The following RNF11 variants were observed in gnomAD, a reference collection of about 807,000 sequenced individuals.
The protein encoded by RNF11 is ring finger protein 11.
RNF11 carries 4 observed loss-of-function variants against 15.8 expected under a neutral mutation model. That is an observed-to-expected ratio of 0.25 (90% confidence interval 0.12 to 0.58). RNF11 has a LOEUF of 0.58. Ranked by LOEUF, RNF11 falls within the 20% of genes least tolerant of loss-of-function variation. RNF11 has a pLI of 0.91. For missense variants in RNF11, 139 were observed against 194.4 expected, an observed-to-expected ratio of 0.71 and a Z score of 1.70; for synonymous variants, 68 against 72.3, an observed-to-expected ratio of 0.94 and a Z score of 0.30.
chr1:51,244,787 C>T (rs1646844736), intron 1 of RNF11, among the ~76,000 whole-genome samples: 2 of 152,126 alleles, frequency 1.3e-5, no homozygotes, highest in Admixed American at 1.3e-4. Flanking sequence ...TTCTTTGTTT[C>T]TGCCTGACCT....
chr1:51,244,524 C>T (rs1300609896), intron 1 of RNF11, among the ~76,000 whole-genome samples: 3 of 152,102 alleles, frequency 2.0e-5, no homozygotes, highest in African/African-American at 7.2e-5. Flanking sequence ...GTAGCTGGGA[C>T]TACAGGTGCC....
At chr1:51,252,095 A>G (rs1169160133) in intron 1 of RNF11, among the ~76,000 whole-genome samples, 1 of 151,520 alleles carries the variant, frequency 6.6e-6, no homozygotes, top group African/African-American at 2.4e-5. Context: ...AAAAAAAAAA[A>G]AAAAAAAGAA....
At chr1:51,250,697 A>C in intron 1 of RNF11, 1 of 1,124,768 alleles carries the variant, frequency 8.9e-7, no homozygotes, top group Non-Finnish European at 1.3e-6. Flanking sequence ...GAGACTTGGT[A>C]AATACAGTCT....
intron 1 of RNF11, among the ~76,000 whole-genome samples, chr1:51,258,303 G>A (rs921324645): frequency 2.0e-5 from 3 of 152,210 alleles, no homozygotes; most frequent in African/African-American, 7.2e-5. Context: ...GACTGCTGGA[G>A]ATCCTCTTCA....
chr1:51,242,018 C>G (rs1646831395), intron 1 of RNF11, among the ~76,000 whole-genome samples: 1 of 152,220 alleles, frequency 6.6e-6, no homozygotes, highest in African/African-American at 2.4e-5. Flanking sequence ...ATAGGTGTCT[C>G]TCAATTTTGC....
intron 1 of RNF11, among the ~76,000 whole-genome samples, chr1:51,246,610 G>A (rs544988489): frequency 1.6e-4 from 24 of 152,080 alleles, no homozygotes; most frequent in African/African-American, 5.8e-4. Flanking sequence ...TAATCTCAGC[G>A]CTTTGGTAGG....
At chr1:51,257,326 G>A (rs1646908215) in intron 1 of RNF11, among the ~76,000 whole-genome samples, 1 of 152,158 alleles carries the variant, frequency 6.6e-6, no homozygotes. Context: ...TTTCCTCTCC[G>A]CCTCCTGGAA....
chr1:51,247,683 CCT>C (rs1646858639), intron 1 of RNF11, among the ~76,000 whole-genome samples: 1 of 151,610 alleles, frequency 6.6e-6, no homozygotes, highest in Non-Finnish European at 1.5e-5. Context: ...TTCAAATTGG[CCT>C]TTTGAACTCT....
At chr1:51,255,115 A>G (rs1216055785) in intron 1 of RNF11, among the ~76,000 whole-genome samples, 3 of 152,290 alleles carry the variant, frequency 2.0e-5, no homozygotes, top group South Asian at 2.1e-4. Context: ...ATCTGTAAAG[A>G]GGAACTATAT....
intron 1 of RNF11, among the ~76,000 whole-genome samples, chr1:51,258,141 A>G (rs1646914032): frequency 6.6e-6 from 1 of 152,136 alleles, no homozygotes; most frequent in Non-Finnish European, 1.5e-5. Context: ...GGTGTGAGCC[A>G]CTGCACCCAG....
rs764022609 is a variant in RNF11, at chr1:51,236,713, C to G, written c.-44C>G. ...CCGCGGAGTGTGCGAACGACCCCACCGCTGCTTTCTCCTCCCCCAGATCAC... is the reference window on the plus strand; with the variant it reads ...CCGCGGAGTGTGCGAACGACCCCACGGCTGCTTTCTCCTCCCCCAGATCAC... On this transcript the variant is annotated 5_prime_UTR_variant, in exon 1 of 3. Coordinates refer to ENST00000242719, the MANE Select transcript of RNF11 (RefSeq NM_014372.5). The G allele has an allele frequency of 6.2e-7, 1 of 1,606,096 alleles. No homozygotes were observed. Among genetic ancestry groups the G allele is most frequent in the South Asian group, 1.1e-5 (1 of 90,280 alleles).
At chr1:51,242,062 T>C (rs1378590123) in intron 1 of RNF11, among the ~76,000 whole-genome samples, 2 of 152,218 alleles carry the variant, frequency 1.3e-5, no homozygotes, top group Admixed American at 6.5e-5. Flanking sequence ...GCCAGTCTTC[T>C]TCCCCGACCT....
rs1646981973 is a variant in RNF11 at position 51,272,140 on chromosome 1, A to G, written c.*818A>G. 6.6e-6 allele frequency: 1 copy of G among 152,644 alleles called. No homozygotes were observed. The highest frequency in any genetic ancestry group is 2.1e-4 in the South Asian group (1 of 4,826). 9.5% of individuals were successfully genotyped at this position (152,644 alleles called of 1,614,324 possible). A position where few individuals can be genotyped will look rare whatever the true frequency, so the allele number is the denominator to read the frequency against. The stretch of plus-strand genomic sequence containing the variant: ...TTAATATGGTGATAATGGAAAGTCA[A>G]GTTAAATTTTAAATATTAAGAATTC... On this transcript the variant is annotated 3_prime_UTR_variant, in exon 3 of 3. Transcript: ENST00000242719.
intron 1 of RNF11, among the ~76,000 whole-genome samples, chr1:51,247,887 C>T (rs1646859354): frequency 6.6e-6 from 1 of 152,136 alleles, no homozygotes; most frequent in Admixed American, 6.5e-5. Flanking sequence ...ATATTTGCTT[C>T]TAAAACTCTT....
chr1:51,268,299 C>G (rs72692299), intron 1 of RNF11, among the ~76,000 whole-genome samples: 4,679 of 152,236 alleles, frequency 0.031, 105 homozygotes, highest in African/African-American at 0.06. Flanking sequence ...TTCCTTTCCT[C>G]TATGGTTTTC....
chr1:51,268,966 A>G (rs907269603), intron 1 of RNF11, among the ~76,000 whole-genome samples: 14 of 152,194 alleles, frequency 9.2e-5, no homozygotes, highest in African/African-American at 2.4e-4. Flanking sequence ...GGCATTTACA[A>G]AGCTCTTAGT....
intron 1 of RNF11, among the ~76,000 whole-genome samples, chr1:51,264,302 A>C (rs1159195975): frequency 7.3e-5 from 8 of 109,418 alleles, no homozygotes; most frequent in Non-Finnish European, 1.2e-4. Context: ...ATATATATAT[A>C]TATATATATA....
intron 1 of RNF11, among the ~76,000 whole-genome samples, chr1:51,240,883 A>G (rs1450303486): frequency 1.3e-5 from 2 of 151,904 alleles, no homozygotes; most frequent in Non-Finnish European, 2.9e-5. Context: ...GCTAGAGTGC[A>G]GTGGTGTCAT....
intron 1 of RNF11, among the ~76,000 whole-genome samples, chr1:51,238,749 A>G (rs1046654112): frequency 6.6e-6 from 1 of 151,778 alleles, no homozygotes; most frequent in Non-Finnish European, 1.5e-5. Context: ...TTTTAATGAG[A>G]TGGAGTCTCG....
Sources: allele counts gnomAD v4.1 joint callset (sites outside exome capture counted in the v4.1 genomes callset), GRCh38; gene constraint gnomAD v4.1.1; transcripts MANE v1.5; gene names NCBI Gene and HGNC (gene_info 2026-07-23, HGNC 2026-07-21).